Variants in MTX2 observed in about 807,000 individuals in gnomAD.
The protein encoded by MTX2 is metaxin-2.
A neutral mutation model predicts 42.3 loss-of-function variants in MTX2; 35 were observed. The ratio of observed to expected loss-of-function variants is 0.83; its 90% confidence interval spans 0.63 to 1.10. The LOEUF (loss-of-function observed/expected upper bound fraction) is 1.10, where lower values mean the gene tolerates loss of function less well. MTX2 is among the 50% of genes least tolerant of loss of function. The pLI is 0.00. For synonymous variants in MTX2, 119 were observed against 100.9 expected (o/e 1.18, Z -1.08); for missense variants, 307 against 304.1 (o/e 1.01, Z -0.07).
At chr2:176,321,004 G>A (rs113172144) in intron 3 of MTX2, among the ~76,000 whole-genome samples, 123 of 152,102 alleles carry the variant, frequency 8.1e-4, no homozygotes, top group African/African-American at 2.9e-3. Flanking sequence ...TGGCCACATG[G>A]ATCTTGTATA....
chr2:176,332,795 A>G (rs952755065), intron 9 of MTX2, among the ~76,000 whole-genome samples: 4 of 151,452 alleles, frequency 2.6e-5, no homozygotes, highest in African/African-American at 4.8e-5. Context: ...ATGGGAAAGA[A>G]CAATTAGGAA....
chr2:176,318,247 T>C (rs1036064280), intron 3 of MTX2, among the ~76,000 whole-genome samples: 6 of 152,146 alleles, frequency 3.9e-5, no homozygotes, highest in Non-Finnish European at 8.8e-5. Flanking sequence ...GTAATAGTTT[T>C]TTTCCTGTGA....
chr2:176,313,899 G>A (rs1361924188), intron 3 of MTX2, among the ~76,000 whole-genome samples: 6 of 152,080 alleles, frequency 3.9e-5, no homozygotes. Flanking sequence ...TTATGACTCA[G>A]CAACAGAAAG....
chr2:176,278,732 A>C (rs1370596780), intron 1 of MTX2, among the ~76,000 whole-genome samples: 4 of 152,218 alleles, frequency 2.6e-5, no homozygotes, highest in African/African-American at 9.6e-5. Flanking sequence ...TATCAAATAG[A>C]GATGAGATAT....
chr2:176,323,162 A>G (rs1684625200), intron 3 of MTX2, among the ~76,000 whole-genome samples: 1 of 151,898 alleles, frequency 6.6e-6, no homozygotes, highest in African/African-American at 2.4e-5. Flanking sequence ...AGGTATACAT[A>G]CATACTTTAA....
intron 3 of MTX2, among the ~76,000 whole-genome samples, chr2:176,316,851 T>G (rs934050334): frequency 1.1e-4 from 17 of 152,142 alleles, no homozygotes; most frequent in Non-Finnish European, 1.9e-4. Flanking sequence ...ACACATATCT[T>G]GTATAATTTT....
At chr2:176,321,454 T>C (rs1684580924) in intron 3 of MTX2, among the ~76,000 whole-genome samples, 1 of 152,146 alleles carries the variant, frequency 6.6e-6, no homozygotes, top group African/African-American at 2.4e-5. Flanking sequence ...GATTTGGCAG[T>C]GAGTGACAGA....
At chr2:176,316,478 T>C (rs573999362) in intron 3 of MTX2, among the ~76,000 whole-genome samples, 1 of 152,136 alleles carries the variant, frequency 6.6e-6, no homozygotes, top group South Asian at 2.1e-4. Flanking sequence ...CACGGCTTAC[T>C]ACAGCCTCAA....
intron 1 of MTX2, among the ~76,000 whole-genome samples, chr2:176,293,122 CTG>C (rs1693364021): frequency 6.6e-6 from 1 of 152,138 alleles, no homozygotes; most frequent in Admixed American, 6.5e-5. Context: ...TGTAATAATA[CTG>C]TGTTTTTCTT....
intron 1 of MTX2, among the ~76,000 whole-genome samples, chr2:176,292,295 C>T (rs1240760332): frequency 6.6e-6 from 1 of 152,090 alleles, no homozygotes; most frequent in Non-Finnish European, 1.5e-5. Flanking sequence ...AGTTTGTGGT[C>T]TAAAACATTT....
At chr2:176,286,632 C>T (rs1693209316) in intron 1 of MTX2, among the ~76,000 whole-genome samples, 2 of 152,022 alleles carry the variant, frequency 1.3e-5, no homozygotes, top group African/African-American at 2.4e-5. Context: ...TCACTGCAAC[C>T]TCCGTCTCCC....
chr2:176,328,850 T>C (rs944167455), intron 6 of MTX2, 24 bp from the exon 7 acceptor site: 12 of 1,600,526 alleles, frequency 7.5e-6, no homozygotes, highest in Non-Finnish European at 1.0e-5. Context: ...TTCTAAAGTT[T>C]AGTGACTGTT....
intron 1 of MTX2, among the ~76,000 whole-genome samples, chr2:176,272,144 A>T (rs902583915): frequency 2.6e-5 from 4 of 152,224 alleles, no homozygotes; most frequent in African/African-American, 9.6e-5. Flanking sequence ...TAAGCTAGAC[A>T]TAGAAAGACA....
At chr2:176,298,238 C>CA (rs1491474662) in intron 3 of MTX2, among the ~76,000 whole-genome samples, 1 of 151,696 alleles carries the variant, frequency 6.6e-6, no homozygotes, top group African/African-American at 2.4e-5. Flanking sequence ...TTTGTGGACT[C>CA]ACAATTATTT....
At chr2:176,328,990 C>T (rs1022695857) in intron 7 of MTX2, 78 bp downstream of exon 7, 6 of 1,284,138 alleles carry the variant, frequency 4.7e-6, no homozygotes, top group Admixed American at 1.7e-5. Flanking sequence ...AGTCCCTGCT[C>T]ATAAATGAAA....
intron 1 of MTX2, among the ~76,000 whole-genome samples, chr2:176,275,272 CTT>C (rs1692920582): frequency 6.6e-6 from 1 of 150,470 alleles, no homozygotes; most frequent in Non-Finnish European, 1.5e-5. Context: ...GCATTTTACT[CTT>C]GTCACCCAGG....
At position 176,299,798 on chromosome 2, in the gene MTX2, C is replaced by T. The variant is rs1457943581; in HGVS notation, c.135+1903C>T. 3.3e-5 allele frequency among the ~76,000 whole-genome samples: 5 copies of T among 151,936 alleles called. No homozygotes were observed. In the East Asian group the frequency reaches 9.6e-4, roughly 29 times the overall value. On this transcript the variant is annotated intron_variant, in intron 3 of 9. Transcript: ENST00000249442. Reference sequence around the variant, plus strand: ...TTGATCAAAACAATGTGACAGGTATCCACAAACTGGATTATTTTCTAGAAG... The same window carrying T: ...TTGATCAAAACAATGTGACAGGTATTCACAAACTGGATTATTTTCTAGAAG...
At chr2:176,294,761 G>GTTTGTTGGA (rs1683813418) in intron 1 of MTX2, among the ~76,000 whole-genome samples, 1 of 152,070 alleles carries the variant, frequency 6.6e-6, no homozygotes, top group Non-Finnish European at 1.5e-5. Flanking sequence ...TTGGCATATC[G>GTTTGTTGGA]TTTGTTGGAT....
At chr2:176,323,355 T>A in intron 3 of MTX2, 37 bp from the exon 4 acceptor site, 1 of 1,557,100 alleles carries the variant, frequency 6.4e-7, no homozygotes. Context: ...ATGCATATGC[T>A]TTTTACTGGG....
Sources: allele counts gnomAD v4.1 joint callset (sites outside exome capture counted in the v4.1 genomes callset), GRCh38; gene constraint gnomAD v4.1.1; transcripts MANE v1.5; gene names NCBI Gene and HGNC (gene_info 2026-07-23, HGNC 2026-07-21).